SLC45A4: variants seen among roughly 807,000 people sequenced by gnomAD.
SLC45A4 encodes solute carrier family 45 member 4, also known as polyamine-transporter SLC45A4.
A neutral mutation model predicts 63.7 loss-of-function variants in SLC45A4; 32 were observed. The observed-to-expected ratio is 0.50, with a 90% confidence interval of 0.38 to 0.67. The LOEUF (loss-of-function observed/expected upper bound fraction) is 0.67, where lower values mean the gene tolerates loss of function less well. Ranked by LOEUF, SLC45A4 falls within the 30% of genes least tolerant of loss-of-function variation. The probability of loss-of-function intolerance (pLI) is 0.00; values close to 1 mark genes in which losing one functional copy is unlikely to be tolerated. For synonymous variants in SLC45A4, 535 were observed against 510.0 expected, an observed-to-expected ratio of 1.05 and a Z score of -0.66; for missense variants, 1,027 against 1,157.7, an observed-to-expected ratio of 0.89 and a Z score of 1.64.
intron 1 of SLC45A4, among the ~76,000 whole-genome samples, chr8:141,276,620 A>C (rs916297735): frequency 6.6e-6 from 1 of 152,134 alleles, no homozygotes; most frequent in Non-Finnish European, 1.5e-5. Context: ...ACTCTGCCCC[A>C]GTGTCGCCCA....
intron 1 of SLC45A4, among the ~76,000 whole-genome samples, chr8:141,279,918 T>C (rs369613927): frequency 1.3e-5 from 2 of 152,236 alleles, no homozygotes; most frequent in African/African-American, 4.8e-5. Context: ...TAAGATACTT[T>C]GGAGGATAAA....
At chr8:141,247,168 A>AT (rs1316502915) in intron 2 of SLC45A4, among the ~76,000 whole-genome samples, 1 of 142,188 alleles carries the variant, frequency 7.0e-6, no homozygotes, top group African/African-American at 2.5e-5. Flanking sequence ...AAGAAGGAAC[A>AT]TCAATACAGG....
intron 2 of SLC45A4, among the ~76,000 whole-genome samples, chr8:141,246,717 CTGTG>C (rs1470614920): frequency 7.6e-6 from 1 of 131,754 alleles, no homozygotes; most frequent in Non-Finnish European, 1.7e-5. Flanking sequence ...CCTGACCCCT[CTGTG>C]TAACAGCAAA....
rs372898976 is a variant in SLC45A4, at chr8:141,218,912, G to A, written c.728C>T (p.Thr243Met). The change falls in exon 5 of 9, where the codon ACG becomes ATG. Residue 243 changes from threonine to methionine, a missense_variant. Thr to Met is a moderately conservative substitution (Grantham distance 81). Transcript: ENST00000517878. ...VLFFFAAIIF[T>M]VSVALHLFSI... ...GAACAGGTGCAGGGCCACGGACACC[G>A]TGAAGATGATGGCGGCAAAGAAGAA... 2.0e-5 allele frequency: 32 copies of A among 1,613,670 alleles called. No individual in the cohort carries two copies. The highest frequency in any genetic ancestry group is 4.5e-5 in the East Asian group (2 of 44,890).
At chr8:141,284,295 G>C (rs1589850912) in intron 1 of SLC45A4, among the ~76,000 whole-genome samples, 4 of 152,336 alleles carry the variant, frequency 2.6e-5, no homozygotes, top group Admixed American at 2.0e-4. Flanking sequence ...CGAGAGCAAA[G>C]AACAGGTGGC....
intron 1 of SLC45A4, chr8:141,292,923 G>A (rs753668350): frequency 6.6e-6 from 1 of 152,248 alleles, no homozygotes; most frequent in African/African-American, 2.4e-5. Flanking sequence ...CTGCAGGACA[G>A]ATGAGTGCGC....
intron 1 of SLC45A4, among the ~76,000 whole-genome samples, chr8:141,279,539 A>C (rs1188424771): frequency 6.6e-6 from 1 of 152,364 alleles, no homozygotes; most frequent in South Asian, 2.1e-4. Context: ...AGATGCCTTC[A>C]GTTGTAAACC....
chr8:141,235,805 C>T (rs187022429), intron 2 of SLC45A4, among the ~76,000 whole-genome samples: 22 of 152,232 alleles, frequency 1.4e-4, no homozygotes, highest in Admixed American at 4.6e-4. Context: ...CTGAAATGTA[C>T]GAAACATCAG....
chr8:141,279,698 G>A (rs1341470730), intron 1 of SLC45A4, among the ~76,000 whole-genome samples: 1 of 152,166 alleles, frequency 6.6e-6, no homozygotes, highest in Non-Finnish European at 1.5e-5. Flanking sequence ...CGCGCTGGCC[G>A]GCAACAAACA....
rs1284446167 is a variant in SLC45A4 at position 141,254,826 on chromosome 8, A to G, written c.-400-197T>C. The G allele has an allele frequency of 3.9e-6, 2 of 510,284 alleles. No homozygotes were observed. The highest frequency in any genetic ancestry group is 4.4e-5 in the East Asian group (1 of 22,610). 31.6% of individuals were successfully genotyped at this position (510,284 alleles called of 1,614,324 possible). On this transcript the variant is annotated intron_variant, in intron 1 of 8. Coordinates refer to ENST00000517878, the MANE Select transcript of SLC45A4 (RefSeq NM_001286646.2). This position sits in a 1 kb window ranked among gnomAD's most constrained non-coding sequence, Gnocchi z 4.5. ...TTCTAGAAAAACATTTTCTCATACGAAAGTGAATCCTGGGGAAGGACAAAG... is the reference window on the plus strand; with the variant it reads ...TTCTAGAAAAACATTTTCTCATACGGAAGTGAATCCTGGGGAAGGACAAAG...
rs1828665398 is a variant in SLC45A4 at position 141,254,245 on chromosome 8, A to G, written c.-16T>C. The G allele has an allele frequency of 1.3e-6, 2 of 1,526,762 alleles. No homozygotes were observed. The highest frequency in any genetic ancestry group is 1.8e-6 in the Non-Finnish European group (2 of 1,141,230). The allele number at this position is 1,526,762 out of a possible 1,614,324, so 94.6% of individuals were successfully genotyped here. On this transcript the variant is annotated 5_prime_UTR_variant, in exon 2 of 9. Transcript: ENST00000517878. The surrounding 1 kb of genome is among the most constrained non-coding windows in gnomAD (Gnocchi z 4.5). ...CCATTTTCATTACCACCAAAAATAT[A>G]TGTATTTATCTATATATTCTATCTA...
chr8:141,305,787 C>T (rs1003486673), intron 1 of SLC45A4, among the ~76,000 whole-genome samples: 3 of 151,670 alleles, frequency 2.0e-5, no homozygotes, highest in African/African-American at 7.2e-5. Flanking sequence ...CTGCACTCCT[C>T]TGTCCTCCCC....
chr8:141,253,639 C>G (rs1828628184), intron 2 of SLC45A4, among the ~76,000 whole-genome samples: 1 of 152,334 alleles, frequency 6.6e-6, no homozygotes, highest in East Asian at 1.9e-4. Flanking sequence ...GTGCTGGCGA[C>G]CCTGCCCTTT....
chr8:141,307,327 G>A (rs1830928037), intron 1 of SLC45A4, among the ~76,000 whole-genome samples: 1 of 152,194 alleles, frequency 6.6e-6, no homozygotes, highest in Admixed American at 6.5e-5. Context: ...ATGAACTGAT[G>A]CCCTGGCCTC....
chr8:141,252,389 A>C, intron 2 of SLC45A4: 1 of 166,002 alleles, frequency 6.0e-6, no homozygotes, highest in Non-Finnish European at 1.3e-5. Context: ...TTTCACGCCC[A>C]CCTGCGCGTC....
At chr8:141,281,264 G>C (rs1011758635) in intron 1 of SLC45A4, among the ~76,000 whole-genome samples, 4 of 152,184 alleles carry the variant, frequency 2.6e-5, no homozygotes, top group African/African-American at 9.6e-5. Context: ...ACTTGAACCC[G>C]GGAGGCGGAG....
chr8:141,281,175 C>A (rs1024819026), intron 1 of SLC45A4, among the ~76,000 whole-genome samples: 2 of 152,056 alleles, frequency 1.3e-5, no homozygotes, highest in Admixed American at 6.5e-5. Context: ...CCTGTCTCTA[C>A]TAAAAGTACA....
intron 2 of SLC45A4, among the ~76,000 whole-genome samples, chr8:141,238,628 C>T (rs1183903914): frequency 6.6e-6 from 1 of 152,232 alleles, no homozygotes; most frequent in East Asian, 1.9e-4. Context: ...GCATCTCCCC[C>T]TGGCCCCTGG....
chr8:141,217,661 C>T (rs1826244747), intron 5 of SLC45A4, among the ~76,000 whole-genome samples: 2 of 152,248 alleles, frequency 1.3e-5, no homozygotes, highest in South Asian at 2.1e-4. Context: ...AGAAGGGCCA[C>T]CAATGAGCCT....
Sources: gnomAD v4.1 joint callset for allele counts (sites outside exome capture counted in the v4.1 genomes callset) on GRCh38, gnomAD v4.1.1 for gene constraint, Gnocchi (gnomAD v3.1) non-coding constraint, MANE v1.5 for transcripts, NCBI Gene and HGNC (gene_info 2026-07-23, HGNC 2026-07-21) for gene names.